The following WFDC13 variants were observed in gnomAD, a reference collection of about 807,000 sequenced individuals.
WFDC13 encodes the protein WAP four-disulfide core domain protein 13.
WFDC13 carries 6 observed loss-of-function variants against 10.9 expected under a neutral mutation model. That is an observed-to-expected ratio of 0.55 (90% CI 0.30 to 1.09). WFDC13 has a LOEUF of 1.09. Ranked by LOEUF, WFDC13 falls within the 50% of genes least tolerant of loss-of-function variation. WFDC13 has a pLI of 0.06. For missense variants in WFDC13, 104 were observed against 109.6 expected (o/e 0.95, Z 0.23); for synonymous variants, 38 against 39.5 (o/e 0.96, Z 0.14).
At chr20:45,705,983 C>A in intron 3 of WFDC13, 56 bp downstream of exon 3, 1 of 1,498,440 alleles carries the variant, frequency 6.7e-7, no homozygotes, top group Non-Finnish European at 9.3e-7. Flanking sequence ...GGGATGCTCA[C>A]TTTCTTCCTG....
intron 1 of WFDC13, among the ~76,000 whole-genome samples, chr20:45,703,500 C>T (rs1294886216): frequency 6.6e-6 from 1 of 152,200 alleles, no homozygotes; most frequent in East Asian, 1.9e-4. Flanking sequence ...ACCCACAATT[C>T]CTCTATTTGC....
intron 3 of WFDC13, among the ~76,000 whole-genome samples, chr20:45,706,515 T>C (rs966099448): frequency 6.6e-6 from 1 of 151,662 alleles, no homozygotes; most frequent in African/African-American, 2.4e-5. Context: ...GACTCACACC[T>C]GTAACCCCAG....
chr20:45,703,204 A>G (rs572103910), intron 1 of WFDC13, among the ~76,000 whole-genome samples: 7 of 152,282 alleles, frequency 4.6e-5, no homozygotes, highest in South Asian at 2.1e-4. Context: ...CATGGTGTCT[A>G]TCTCTAAACT....
At chr20:45,705,741 C>G (rs1792044253) in intron 2 of WFDC13, 122 bp from the exon 3 acceptor site, 1 of 889,474 alleles carries the variant, frequency 1.1e-6, no homozygotes, top group African/African-American at 1.7e-5. Flanking sequence ...TCTGCCTTCC[C>G]TATGGCAAGA....
At chr20:45,705,764 A>G in intron 2 of WFDC13, 99 bp from the exon 3 acceptor site, 1 of 1,145,106 alleles carries the variant, frequency 8.7e-7, no homozygotes, top group Non-Finnish European at 1.2e-6. Context: ...AATGAGCTTC[A>G]TGGTCTAATA....
intron 3 of WFDC13, among the ~76,000 whole-genome samples, chr20:45,707,047 C>A (rs12480142): frequency 0.026 from 3,939 of 152,324 alleles, 165 homozygotes; most frequent in Admixed American, 0.12. Flanking sequence ...TAAATAGTAG[C>A]AGGTGGAGGC....
chr20:45,705,208 T>C (rs1317445388), intron 2 of WFDC13: 1 of 548,640 alleles, frequency 1.8e-6, no homozygotes, highest in East Asian at 3.0e-5. Context: ...TCTTTTTTAC[T>C]TTCTTTTTCT....
At chr20:45,702,347 T>C (rs1048270555) in intron 1 of WFDC13, 136 bp downstream of exon 1, 3 of 916,872 alleles carry the variant, frequency 3.3e-6, no homozygotes, top group Non-Finnish European at 5.0e-6. Context: ...GTTGGCAAGA[T>C]CTAGGTTTGA....
intron 3 of WFDC13, among the ~76,000 whole-genome samples, chr20:45,706,401 C>T (rs1568676898): frequency 6.6e-6 from 1 of 152,160 alleles, no homozygotes; most frequent in Non-Finnish European, 1.5e-5. Context: ...GATGGAAGAA[C>T]TTGGTCTCTG....
intron 1 of WFDC13, 45 bp from the exon 2 acceptor site, chr20:45,704,399 C>T (rs1432363354): frequency 6.3e-7 from 1 of 1,583,014 alleles, no homozygotes; most frequent in Non-Finnish European, 8.6e-7. Flanking sequence ...GAACATTACT[C>T]CAGCCTGTTG....
chr20:45,704,939 C>G, intron 2 of WFDC13: 1 of 1,614,126 alleles, frequency 6.2e-7, no homozygotes. Flanking sequence ...ACCAAAATCC[C>G]AAAGCAAAAT....
chr20:45,708,134 G>A lies in WFDC13; in HGVS notation c.*299G>A, dbSNP rs1796272998. 1 of 152,128 alleles carries A rather than the reference G, an allele frequency of 6.6e-6. No homozygotes were observed. Among genetic ancestry groups the A allele is most frequent in the Admixed American group, 6.5e-5 (1 of 15,270 alleles). 9.4% of individuals were successfully genotyped at this position (152,128 alleles called of 1,614,324 possible). A position where few individuals can be genotyped will look rare whatever the true frequency, so the allele number is the denominator to read the frequency against. On this transcript the variant is annotated 3_prime_UTR_variant, in exon 4 of 4. Coordinates refer to ENST00000305479, the MANE Select transcript of WFDC13 (RefSeq NM_172005.2). ...AGTCCAGGGATGCTGTGTGTGCCCT[G>A]GTGGTGGTCTTAAGGACCTACCACA...
intron 2 of WFDC13, 190 bp downstream of exon 2, chr20:45,704,784 C>A: frequency 7.8e-7 from 1 of 1,288,236 alleles, no homozygotes; most frequent in South Asian, 1.3e-5. Flanking sequence ...AAGCCCTCCT[C>A]CCCTCCCAAT....
At chr20:45,705,756 T>G in intron 2 of WFDC13, 107 bp from the exon 3 acceptor site, 1 of 1,073,608 alleles carries the variant, frequency 9.3e-7, no homozygotes, top group Non-Finnish European at 1.3e-6. Context: ...GCAAGAGAAA[T>G]GAGCTTCATG....
intron 2 of WFDC13, 90 bp downstream of exon 2, chr20:45,704,684 CT>C (rs1984315486): frequency 1.4e-6 from 2 of 1,471,476 alleles, no homozygotes. Flanking sequence ...TGCTGGATCT[CT>C]CCTTTTTTTT....
intron 1 of WFDC13, 125 bp from the exon 2 acceptor site, chr20:45,704,319 C>T (rs1984297575): frequency 7.6e-7 from 1 of 1,312,098 alleles, no homozygotes; most frequent in Non-Finnish European, 1.0e-6. Context: ...CTGATGCCAC[C>T]ACCCTGGAAC....
At chr20:45,703,485 A>C (rs1984256455) in intron 1 of WFDC13, among the ~76,000 whole-genome samples, 1 of 152,168 alleles carries the variant, frequency 6.6e-6, no homozygotes, top group South Asian at 2.1e-4. Flanking sequence ...TTTGCAGAGG[A>C]ATAGACCCAC....
chr20:45,704,329 C>T (rs1319485458), intron 1 of WFDC13, 115 bp from the exon 2 acceptor site: 10 of 1,399,514 alleles, frequency 7.1e-6, no homozygotes, highest in East Asian at 2.3e-5. Flanking sequence ...CACCCTGGAA[C>T]CATGCAAGGC....
At chr20:45,706,418 T>C (rs538417199) in intron 3 of WFDC13, among the ~76,000 whole-genome samples, 1 of 152,260 alleles carries the variant, frequency 6.6e-6, no homozygotes, top group African/African-American at 2.4e-5. Context: ...TCTGCAAAGG[T>C]AGAAACTGCC....
Sources: gnomAD v4.1 joint callset for allele counts (sites outside exome capture counted in the v4.1 genomes callset) on GRCh38, gnomAD v4.1.1 for gene constraint, MANE v1.5 for transcripts, NCBI Gene and HGNC (gene_info 2026-07-23, HGNC 2026-07-21) for gene names.